Variants in ARPP19 observed in about 807,000 individuals in gnomAD.
ARPP19 encodes the protein cAMP regulated phosphoprotein 19, also known as cAMP-regulated phosphoprotein 19.
In ARPP19, 8 loss-of-function variants were observed where a neutral mutation model predicts 12.0. That is an observed-to-expected ratio of 0.67 (90% confidence interval 0.39 to 1.21). The LOEUF is 1.21. Among genes scored for constraint, ARPP19 ranks in the 50% most tolerant of loss-of-function variants. The probability of loss-of-function intolerance (pLI) is 0.01; values close to 1 mark genes in which losing one functional copy is unlikely to be tolerated. For missense variants in ARPP19, 102 were observed against 136.3 expected, an observed-to-expected ratio of 0.75 and a Z score of 1.25; for synonymous variants, 47 against 50.4, an observed-to-expected ratio of 0.93 and a Z score of 0.29.
Position 52,551,862 on chromosome 15 carries a change from T to A in ARPP19, c.*72A>T, listed in dbSNP as rs1211162097. 3 of 1,171,644 alleles carry A rather than the reference T, an allele frequency of 2.6e-6. No homozygotes were observed. The highest frequency in any genetic ancestry group is 3.7e-6 in the Non-Finnish European group (3 of 806,214). 72.6% of individuals were successfully genotyped at this position (1,171,644 alleles called of 1,614,324 possible). A position where few individuals can be genotyped will look rare whatever the true frequency, so the allele number is the denominator to read the frequency against. ...CAAATGACTAGTGAATGAAAGGAAA[T>A]AAAAAGTAGATAAGTAACATATTAA... is the stretch of plus-strand genomic sequence containing the variant. On this transcript the variant is annotated 3_prime_UTR_variant, in exon 3 of 3. Coordinates refer to ENST00000249822, the MANE Select transcript of ARPP19 (RefSeq NM_006628.6).
intron 1 of ARPP19, among the ~76,000 whole-genome samples, chr15:52,562,491 C>T (rs1354910671): frequency 6.6e-6 from 1 of 151,918 alleles, no homozygotes; most frequent in African/African-American, 2.4e-5. Context: ...ACAGTAAGAC[C>T]TTGGCCTTTA....
In ARPP19 at chr15:52,548,982, T is replaced by A. The variant is rs1446678103; in HGVS notation, c.*2952A>T. On this transcript the variant is annotated 3_prime_UTR_variant, in exon 3 of 3. Coordinates refer to ENST00000249822, the MANE Select transcript of ARPP19 (RefSeq NM_006628.6). The stretch of plus-strand genomic sequence containing the variant: ...ATCAGCACAAGATTATTGAATAACT[T>A]GTATGCTACAAACATGCCGCTTCCA... 1 of 152,610 alleles carries A rather than the reference T, an allele frequency of 6.6e-6. No homozygotes were observed. Among genetic ancestry groups the A allele is most frequent in the Non-Finnish European group, 1.5e-5 (1 of 68,032 alleles). 9.5% of individuals were successfully genotyped at this position (152,610 alleles called of 1,614,324 possible).
chr15:52,552,037 G>A lies in ARPP19; in HGVS notation c.236C>T (p.Thr79Ile). ...GACCTCCGTCTTATCCGGAGCTGCA[G>A]TAGGAAGTTGCTTGTTCTTCATTTT... is the stretch of plus-strand genomic sequence containing the variant. ...KAKMKNKQLP[T>I]AAPDKTEVTG... The change falls in exon 3 of 3, where the codon ACT (threonine) becomes ATT (isoleucine). Residue 79 changes from threonine to isoleucine, a missense_variant. Coordinates refer to ENST00000249822, the MANE Select transcript of ARPP19 (RefSeq NM_006628.6). 6.2e-7 allele frequency: 1 copy of A among 1,612,694 alleles called. No homozygotes were observed. The highest frequency in any genetic ancestry group is 8.5e-7 in the Non-Finnish European group (1 of 1,178,658).
chr15:52,552,180 TGTCC>T, intron 2 of ARPP19, 76 bp from the exon 3 acceptor site: 1 of 809,976 alleles, frequency 1.2e-6, no homozygotes, highest in Admixed American at 2.0e-5. Flanking sequence ...AACCCCATAC[TGTCC>T]GTATAAGGTT....
At chr15:52,569,271 T>C (rs1306583403), upstream of ARPP19, 1 of 285,812 alleles carries the variant, frequency 3.5e-6, no homozygotes, top group African/African-American at 2.3e-5. Context: ...CCCTTTCCTG[T>C]CCACTCTGGT....
At position 52,557,113 on chromosome 15, in the gene ARPP19, C is replaced by T. The variant is rs759884804; in HGVS notation, c.155G>A (p.Arg52Gln). 12 of 1,611,722 alleles carry T rather than the reference C, an allele frequency of 7.4e-6. No individual in the cohort carries two copies. The highest frequency in any genetic ancestry group is 2.2e-5 in the East Asian group (1 of 44,822). The change falls in exon 2 of 3, where the codon CGG becomes CAG. Residue 52 changes from arginine (R) to glutamine (Q), a missense_variant. Physicochemically the swap from Arg to Gln is conservative, Grantham distance 43. Coordinates refer to ENST00000249822, the MANE Select transcript of ARPP19 (RefSeq NM_006628.6). ...ATGAGAACTTACCCCTTTCTGCAAC[C>T]GTTTCCTTAAGAAATCTGAACCTCC... ...KPGGSDFLRKRLQKGQKYFDS... is the reference protein window; with the variant it reads ...KPGGSDFLRKQLQKGQKYFDS...
Position 52,559,896 on chromosome 15 carries a change from C to A in ARPP19, c.46-2674G>T, listed in dbSNP as rs141816529. Among the ~76,000 whole-genome samples the A allele has an allele frequency of 3.9e-4, 60 of 152,308 alleles. 1 individual carries two copies. In the East Asian group the frequency reaches 0.011, roughly 27 times the overall value. On this transcript the variant is annotated intron_variant, in intron 1 of 2. Coordinates refer to ENST00000249822, the MANE Select transcript of ARPP19 (RefSeq NM_006628.6). ...GAAAAGGATCCCAAGCTAATTGTCACCCTTTAGTCCCTGCACCTTCAAATT... is the reference window on the plus strand; with the variant it reads ...GAAAAGGATCCCAAGCTAATTGTCAACCTTTAGTCCCTGCACCTTCAAATT...
At chr15:52,568,558 C>G (rs2078107874) in intron 1 of ARPP19, 2 of 388,206 alleles carry the variant, frequency 5.2e-6, no homozygotes, top group Non-Finnish European at 9.1e-6. Context: ...AGGCTCTACG[C>G]CCAAAGCCTG....
At chr15:52,569,124 G>A (rs1380188603), upstream of ARPP19, 8 of 529,924 alleles carry the variant, frequency 1.5e-5, no homozygotes, top group Non-Finnish European at 6.6e-6. Context: ...ACTTGACCCC[G>A]CTTCTCCCGC....
At chr15:52,569,109 T>C (rs887869723), upstream of ARPP19, 3 of 540,176 alleles carry the variant, frequency 5.6e-6, no homozygotes, top group Non-Finnish European at 9.7e-6. Flanking sequence ...ACCGCACCCC[T>C]ACCTACTTGA....
chr15:52,566,964 ATAAAGG>A (rs1298515804), intron 1 of ARPP19, among the ~76,000 whole-genome samples: 1 of 152,224 alleles, frequency 6.6e-6, no homozygotes, highest in African/African-American at 2.4e-5. Flanking sequence ...CCAGTAAACT[ATAAAGG>A]TATTTTTAGC....
At chr15:52,552,588 A>G in intron 2 of ARPP19, among the ~76,000 whole-genome samples, 1 of 119,890 alleles carries the variant, frequency 8.3e-6, no homozygotes, top group South Asian at 2.5e-4. Flanking sequence ...TCTCACAAAA[A>G]AAAAAAAAAA....
At chr15:52,552,843 G>T (rs1371029049) in intron 2 of ARPP19, among the ~76,000 whole-genome samples, 1 of 152,168 alleles carries the variant, frequency 6.6e-6, no homozygotes, top group East Asian at 1.9e-4. Flanking sequence ...GCCGAGTTGG[G>T]TGGATCACTT....
intron 2 of ARPP19, among the ~76,000 whole-genome samples, chr15:52,556,550 T>C (rs1354478319): frequency 6.6e-6 from 1 of 152,156 alleles, no homozygotes; most frequent in East Asian, 1.9e-4. Context: ...CTGTGAAACA[T>C]ATTACATAAA....
chr15:52,566,074 T>C (rs2078079237), intron 1 of ARPP19, among the ~76,000 whole-genome samples: 1 of 152,180 alleles, frequency 6.6e-6, no homozygotes, highest in African/African-American at 2.4e-5. Flanking sequence ...CAGGCTGGTA[T>C]CGAACTCCTG....
At chr15:52,552,911 T>C (rs949707474) in intron 2 of ARPP19, among the ~76,000 whole-genome samples, 2 of 152,134 alleles carry the variant, frequency 1.3e-5, no homozygotes, top group African/African-American at 4.8e-5. Context: ...ACCCCGTCTC[T>C]ACTAAAAATA....
At chr15:52,553,967 C>T (rs140292778) in intron 2 of ARPP19, among the ~76,000 whole-genome samples, 24 of 152,330 alleles carry the variant, frequency 1.6e-4, no homozygotes, top group African/African-American at 5.5e-4. Context: ...GGAACAGGCC[C>T]ATCTAAAGCT....
intron 1 of ARPP19, chr15:52,564,334 C>CT: frequency 1.1e-6 from 1 of 946,992 alleles, no homozygotes; most frequent in Non-Finnish European, 1.6e-6. Flanking sequence ...GCTAGGTGAA[C>CT]CCAGGAGTTC....
rs185453217 is a variant in ARPP19 at position 52,559,386 on chromosome 15, T to C, written c.46-2164A>G. ...AAGTACATCAACATGCTGTTTATCA[T>C]TGCAGTGTTTAAAATCTCAGCCCGT... On this transcript the variant is annotated intron_variant, in intron 1 of 2. Transcript: ENST00000249822. Among the ~76,000 whole-genome samples the C allele has an allele frequency of 3.9e-5, 6 of 152,308 alleles. No individual in the cohort carries two copies. The East Asian group carries it at 5.8e-4, about 15-fold the overall frequency.
Sources: gnomAD v4.1 joint callset for allele counts (sites outside exome capture counted in the v4.1 genomes callset) on GRCh38, gnomAD v4.1.1 for gene constraint, MANE v1.5 for transcripts, NCBI Gene and HGNC (gene_info 2026-07-23, HGNC 2026-07-21) for gene names.